CHD1L: variants seen among roughly 807,000 people sequenced by gnomAD.
CHD1L encodes chromodomain helicase DNA binding protein 1 like, also known as ATP-dependent chromatin remodeler CHD1L.
CHD1L carries 118 observed loss-of-function variants against 115.9 expected under a neutral mutation model. That is an observed-to-expected ratio of 1.02 (90% CI 0.88 to 1.19). CHD1L has a LOEUF of 1.19. CHD1L is among the 50% of genes most tolerant of loss of function. CHD1L has a pLI of 0.00. For synonymous variants in CHD1L, 411 were observed against 387.1 expected, an observed-to-expected ratio of 1.06 and a Z score of -0.72; for missense variants, 1,179 against 1,065.3, an observed-to-expected ratio of 1.11 and a Z score of -1.49.
the CHD1L span, among the ~76,000 whole-genome samples, chr1:147,182,859 A>G: frequency 6.6e-6 from 1 of 152,180 alleles, no homozygotes; most frequent in African/African-American, 2.4e-5. Flanking sequence ...AATGAATTAT[A>G]GACGAGGACA....
chr1:147,291,379 G>T, intron 19 of CHD1L, 103 bp from the exon 20 acceptor site: 1 of 930,418 alleles, frequency 1.1e-6, no homozygotes. Flanking sequence ...TAGGAAGGTG[G>T]GTCCTGAAAC....
chr1:147,284,714 G>A (rs967746361), intron 16 of CHD1L, among the ~76,000 whole-genome samples: 1 of 152,120 alleles, frequency 6.6e-6, no homozygotes, highest in Admixed American at 6.5e-5. Flanking sequence ...TATATTGTAC[G>A]ATGTCATGTA....
chr1:147,295,581 T>C lies in CHD1L; in HGVS notation c.*72T>C. The C allele has an allele frequency of 3.6e-6, 4 of 1,105,248 alleles. No individual in the cohort carries two copies. The highest frequency in any genetic ancestry group is 1.4e-5 in the South Asian group (1 of 70,906). The allele number at this position is 1,105,248 out of a possible 1,614,324, so 68.5% of individuals were successfully genotyped here. ...TACCCAGAGGTACTGCAATAGAGTA[T>C]TTCAAAATGGAATCAGGATCTGGTG... On this transcript the variant is annotated 3_prime_UTR_variant, in exon 23 of 23. Transcript: ENST00000369258.
At chr1:147,255,512 C>T (rs1410029661) in intron 3 of CHD1L, among the ~76,000 whole-genome samples, 8 of 152,160 alleles carry the variant, frequency 5.3e-5, no homozygotes, top group Non-Finnish European at 1.2e-4. Flanking sequence ...CAGGTGTGAG[C>T]CACCGCGCCC....
At chr1:147,204,243 A>T in the CHD1L span, 8 of 1,225,948 alleles carry the variant, frequency 6.5e-6, no homozygotes, top group South Asian at 8.4e-5. Context: ...ACAGATGTAC[A>T]TCACCTTCTG....
chr1:147,204,870 G>A, the CHD1L span: 1 of 1,594,470 alleles, frequency 6.3e-7, no homozygotes, highest in Non-Finnish European at 8.6e-7. Flanking sequence ...ATTCTGAAAA[G>A]TGTTTCGCTC....
Position 147,256,628 on chromosome 1 carries a change from C to A in CHD1L, c.494+66C>A, listed in dbSNP as rs189872566. 5.2e-3 allele frequency: 7,692 copies of A among 1,481,380 alleles called. 36 individuals are homozygous for A. The highest frequency in any genetic ancestry group is 5.3e-3 in the Non-Finnish European group (5,599 of 1,062,866). 91.8% of individuals were successfully genotyped at this position (1,481,380 alleles called of 1,614,324 possible). ...TTATGAATGTCATGTCTTTCCTTCA[C>A]GTTTTAGTACTTTGCCTCTCCTGGC... On this transcript the variant is annotated intron_variant, in intron 5 of 22. Coordinates refer to ENST00000369258, the MANE Select transcript of CHD1L (RefSeq NM_004284.6).
the CHD1L span, among the ~76,000 whole-genome samples, chr1:147,208,120 A>G: frequency 6.6e-6 from 1 of 152,070 alleles, no homozygotes; most frequent in Admixed American, 6.5e-5. Flanking sequence ...CACTGTGCTT[A>G]TCTTATAGAA....
the CHD1L span, chr1:147,213,238 A>G: frequency 1.6e-5 from 20 of 1,272,412 alleles, no homozygotes; most frequent in African/African-American, 2.9e-4. Context: ...TCAGACCACA[A>G]TCCTCCCATT....
chr1:147,245,809 C>T (rs1278942076), intron 1 of CHD1L, among the ~76,000 whole-genome samples: 1 of 151,878 alleles, frequency 6.6e-6, no homozygotes, highest in Non-Finnish European at 1.5e-5. Context: ...TTCTGAGTAG[C>T]TGGGACTACA....
intron 2 of CHD1L, 41 bp from the exon 3 acceptor site, chr1:147,254,829 G>A: frequency 7.1e-7 from 1 of 1,414,536 alleles, no homozygotes; most frequent in South Asian, 1.4e-5. Context: ...TTTCTCATGG[G>A]GAAATGTGAT....
In CHD1L at chr1:147,259,718, A is replaced by G. The variant is rs1671273593; in HGVS notation, c.495-119A>G. On this transcript the variant is annotated intron_variant, in intron 5 of 22. Coordinates refer to ENST00000369258, the MANE Select transcript of CHD1L (RefSeq NM_004284.6). ...GGAAGGTAATTTGGTGGCATTTGTA[A>G]TAGAAGGGGCTTACTGTTAAGTCTT... is the stretch of plus-strand genomic sequence containing the variant. 7.7e-6 allele frequency: 6 copies of G among 780,664 alleles called. No individual in the cohort carries two copies. In the South Asian group the frequency reaches 9.0e-5, roughly 12 times the overall value. 48.4% of individuals were successfully genotyped at this position (780,664 alleles called of 1,614,324 possible).
intron 5 of CHD1L, chr1:147,258,866 C>CA (rs1670989969): frequency 1.3e-5 from 2 of 152,156 alleles, no homozygotes; most frequent in South Asian, 4.2e-4. Context: ...TGTTTATAAT[C>CA]AAAATAAAAA....
chr1:147,198,675 C>G, the CHD1L span, among the ~76,000 whole-genome samples: 2 of 151,460 alleles, frequency 1.3e-5, no homozygotes, highest in African/African-American at 4.9e-5. Flanking sequence ...ATGGTGAAAC[C>G]CCGTCTGTAT....
the CHD1L span, chr1:147,187,319 G>A: frequency 1.8e-6 from 2 of 1,103,854 alleles, no homozygotes; most frequent in Non-Finnish European, 2.6e-6. Flanking sequence ...TGCCTTCTGA[G>A]TGCCTGCTAT....
the CHD1L span, among the ~76,000 whole-genome samples, chr1:147,180,026 A>G: frequency 6.6e-6 from 1 of 151,714 alleles, no homozygotes; most frequent in Middle Eastern, 3.2e-3. Context: ...TCTTATTTTG[A>G]TAATTGTCAT....
chr1:147,209,385 C>T, the CHD1L span, among the ~76,000 whole-genome samples: 1 of 137,060 alleles, frequency 7.3e-6, no homozygotes. Flanking sequence ...TTGCAGTGAG[C>T]CAAGATCGCA....
Position 147,280,322 on chromosome 1 carries a change from A to G in CHD1L, c.1705+131A>G, listed in dbSNP as rs1275416465. 10 of 846,048 alleles carry G rather than the reference A, an allele frequency of 1.2e-5. No homozygotes were observed. The East Asian group carries it at 2.9e-4, about 24-fold the overall frequency. 52.4% of individuals were successfully genotyped at this position (846,048 alleles called of 1,614,324 possible). A position where few individuals can be genotyped will look rare whatever the true frequency, so the allele number is the denominator to read the frequency against. On this transcript the variant is annotated intron_variant, in intron 15 of 22. Coordinates refer to ENST00000369258, the MANE Select transcript of CHD1L (RefSeq NM_004284.6). ...CCTTACCCTATTGTCATTTGGGCAC[A>G]CTGTTTAAGACTTGCTTGATAAAAG...
At chr1:147,274,959 C>T (rs3818816) in intron 12 of CHD1L, among the ~76,000 whole-genome samples, 61,360 of 151,966 alleles carry the variant, frequency 0.4, 12,442 homozygotes, top group South Asian at 0.44. Flanking sequence ...ACAGTGCGCA[C>T]TGCAGACCTC....
Sources: gnomAD v4.1 joint callset for allele counts (sites outside exome capture counted in the v4.1 genomes callset) on GRCh38, gnomAD v4.1.1 for gene constraint, MANE v1.5 for transcripts, NCBI Gene and HGNC (gene_info 2026-07-23, HGNC 2026-07-21) for gene names.